The following SLC9A6 variants were observed in gnomAD, a reference collection of about 807,000 sequenced individuals.
SLC9A6 encodes the protein solute carrier family 9 member A6, also known as sodium/hydrogen exchanger 6.
A neutral mutation model predicts 45.3 loss-of-function variants in SLC9A6; 6 were observed. The ratio of observed to expected loss-of-function variants is 0.13; its 90% CI spans 0.07 to 0.26. SLC9A6 has a LOEUF of 0.26. SLC9A6 is among the 10% of genes least tolerant of loss of function. The pLI is 1.00. For synonymous variants in SLC9A6, 191 were observed against 187.7 expected, an observed-to-expected ratio of 1.02 and a Z score of -0.14; for missense variants, 278 against 503.7, an observed-to-expected ratio of 0.55 and a Z score of 4.29.
upstream of SLC9A6, chrX:135,984,999 T>G (rs936916491): frequency 1.7e-4 from 17 of 99,680 alleles, no homozygotes; most frequent in Admixed American, 4.1e-4. Flanking sequence ...TTTTTTGTGT[T>G]TTTTTTTTTT....
chrX:136,000,261 A>G (rs1353757127), intron 6 of SLC9A6, among the ~76,000 whole-genome samples: 4 of 100,184 alleles, frequency 4.0e-5, no homozygotes, highest in Non-Finnish European at 8.1e-5. Context: ...CTCCAAAAAA[A>G]AAAAAAAAAA....
At chrX:136,006,461 GTT>G (rs10712373) in intron 7 of SLC9A6, among the ~76,000 whole-genome samples, 2,083 of 78,784 alleles carry the variant, frequency 0.026, 38 homozygotes, top group African/African-American at 0.06. Context: ...CTGAAGCACT[GTT>G]TTTTTTTTTT....
chrX:135,976,013 C>A (rs782187236), intron 1 of SLC9A6, among the ~76,000 whole-genome samples: 4 of 94,051 alleles, frequency 4.3e-5, no homozygotes, highest in South Asian at 1.0e-3. Context: ...TAGAAGAAGA[C>A]ATCTAAAATT....
chrX:135,988,473 T>TTTTC (rs781937749), intron 2 of SLC9A6, among the ~76,000 whole-genome samples: 5,073 of 106,854 alleles, frequency 0.047, 115 homozygotes, highest in South Asian at 0.086. Context: ...TCTTTCTTTC[T>TTTTC]TTTCTTTCTT....
At chrX:136,008,089 CAAG>C (rs1215512372) in intron 7 of SLC9A6, among the ~76,000 whole-genome samples, 3 of 111,811 alleles carry the variant, frequency 2.7e-5, no homozygotes, top group African/African-American at 6.5e-5. Flanking sequence ...ATATAAAAAG[CAAG>C]AAGATGTTCT....
At chrX:136,000,254 CAAAAAAAAAAAAAA>C (rs1212509294) in intron 6 of SLC9A6, among the ~76,000 whole-genome samples, 14 of 15,785 alleles carry the variant, frequency 8.9e-4, no homozygotes, top group Admixed American at 6.0e-3. Flanking sequence ...ACCCTGTCTC[CAAAAAAAAAAAAAA>C]AAAAAAAAAA....
At chrX:136,010,252 G>T in intron 7 of SLC9A6, 190 bp from the exon 8 acceptor site, 1 of 411,354 alleles carries the variant, frequency 2.4e-6, no homozygotes, top group Non-Finnish European at 4.2e-6. Context: ...ACATTTAAGG[G>T]AAAGCCAAGT....
rs143357418 is a variant in SLC9A6, at chrX:136,021,590, G to A, written c.1195-996G>A. On this transcript the variant is annotated intron_variant, in intron 11 of 17. Transcript: ENST00000630721. ...CACCCAGGCTGGAGTGCAGTGGCAC[G>A]ATCTCAGCTCACTGCAGCCTCCATC... Among the ~76,000 whole-genome samples, 201 of 112,283 alleles carry A rather than the reference G, an allele frequency of 1.8e-3. 3 individuals are homozygous for A. In the East Asian group the frequency reaches 0.037, roughly 21 times the overall value.
chrX:135,988,516 C>T (rs782033471), intron 2 of SLC9A6, among the ~76,000 whole-genome samples: 2 of 87,461 alleles, frequency 2.3e-5, no homozygotes, highest in African/African-American at 8.7e-5. Flanking sequence ...CTTTCTTTCT[C>T]TCTCTTTCTT....
chrX:136,020,120 G>C (rs1220186296), intron 11 of SLC9A6, among the ~76,000 whole-genome samples: 2 of 111,441 alleles, frequency 1.8e-5, no homozygotes, highest in African/African-American at 6.5e-5. Context: ...TTAATCACTT[G>C]GTTGAGATAG....
chrX:136,015,899 C>T (rs1445956632), intron 10 of SLC9A6, among the ~76,000 whole-genome samples: 3 of 111,087 alleles, frequency 2.7e-5, no homozygotes, highest in African/African-American at 9.8e-5. Context: ...TTGTAGATAA[C>T]TCTGGTGGCC....
intron 17 of SLC9A6, among the ~76,000 whole-genome samples, chrX:136,043,722 C>T (rs578209872): frequency 1.8e-5 from 2 of 112,379 alleles, no homozygotes; most frequent in African/African-American, 6.5e-5. Flanking sequence ...TTTCTATACA[C>T]ACATTTTTTA....
chrX:136,003,408 G>A (rs1159498129), intron 7 of SLC9A6, among the ~76,000 whole-genome samples: 1 of 112,379 alleles, frequency 8.9e-6, no homozygotes, highest in Non-Finnish European at 1.9e-5. Flanking sequence ...GTTACATACT[G>A]TCTATCTTCT....
intron 7 of SLC9A6, among the ~76,000 whole-genome samples, chrX:136,006,906 A>T (rs1556618064): frequency 1.8e-5 from 2 of 110,461 alleles, no homozygotes; most frequent in African/African-American, 3.3e-5. Context: ...TGCTCTCGTC[A>T]CCCAGGCTGG....
In SLC9A6 at chrX:135,998,463, A is replaced by ATT; in HGVS notation, c.448-19_448-18insTT. On this transcript the variant is annotated intron_variant, in intron 4 of 17. Coordinates refer to ENST00000630721, the MANE Select transcript of SLC9A6 (RefSeq NM_001379110.1). ...AACTGGTAAGTATTCTAACAGTGTA[A>ATT]CTTTTTTTTTTTTGTCAGAGACATT... 1 of 677,916 alleles carries ATT rather than the reference A, an allele frequency of 1.5e-6. No homozygotes were observed. Among genetic ancestry groups the ATT allele is most frequent in the Non-Finnish European group, 2.1e-6 (1 of 481,233 alleles). 55.9% of individuals were successfully genotyped at this position (677,916 alleles called of 1,213,427 possible). A position where few individuals can be genotyped will look rare whatever the true frequency, so the allele number is the denominator to read the frequency against.
chrX:135,990,895 T>TA (rs1332573679), intron 2 of SLC9A6, among the ~76,000 whole-genome samples: 1 of 112,095 alleles, frequency 8.9e-6, no homozygotes, highest in Non-Finnish European at 1.9e-5. Context: ...TGCATGTAAA[T>TA]ATAAGAGGAC....
rs1193368578 is a variant in SLC9A6 at position 136,046,648 on chromosome X, C to T, written c.*1924C>T. 1 of 112,684 alleles carries T rather than the reference C, an allele frequency of 8.9e-6. No individual in the cohort carries two copies. The highest frequency in any genetic ancestry group is 3.2e-5 in the African/African-American group (1 of 30,937). The allele number at this position is 112,684 out of a possible 1,213,427, so 9.3% of individuals were successfully genotyped here. A position where few individuals can be genotyped will look rare whatever the true frequency, so the allele number is the denominator to read the frequency against. On this transcript the variant is annotated 3_prime_UTR_variant, in exon 18 of 18. Coordinates refer to ENST00000630721, the MANE Select transcript of SLC9A6 (RefSeq NM_001379110.1). ...ATTTCAGCATGCATAAGACTTTTCACTAGGGAAACTGATAAAGCTTGAGTC... is the reference window on the plus strand; with the variant it reads ...ATTTCAGCATGCATAAGACTTTTCATTAGGGAAACTGATAAAGCTTGAGTC...
intron 7 of SLC9A6, among the ~76,000 whole-genome samples, chrX:136,006,410 A>G (rs1172804750): frequency 9.3e-6 from 1 of 108,085 alleles, no homozygotes; most frequent in African/African-American, 3.4e-5. Context: ...AGGTCAACCC[A>G]TCACCTAGAT....
intron 9 of SLC9A6, 51 bp downstream of exon 9, chrX:136,013,105 C>A (rs2070954287): frequency 1.1e-6 from 1 of 942,229 alleles, no homozygotes; most frequent in Non-Finnish European, 1.5e-6. Context: ...AGTGACTTTG[C>A]CAGTCAATTT....
Sources: allele counts gnomAD v4.1 joint callset (sites outside exome capture counted in the v4.1 genomes callset), GRCh38; gene constraint gnomAD v4.1.1; transcripts MANE v1.5; gene names NCBI Gene and HGNC (gene_info 2026-07-23, HGNC 2026-07-21).